Variants in ATG2B observed in about 807,000 individuals in gnomAD.
ATG2B encodes autophagy related 2B.
ATG2B carries 121 observed loss-of-function variants against 241.3 expected under a neutral mutation model. The observed-to-expected ratio is 0.50, with a 90% CI of 0.43 to 0.58. ATG2B has a LOEUF of 0.58. Among genes scored for constraint, ATG2B ranks in the 20% least tolerant of loss-of-function variants. The probability of loss-of-function intolerance (pLI) is 0.00; values close to 1 mark genes in which losing one functional copy is unlikely to be tolerated. For missense variants in ATG2B, 2,306 were observed against 2,491.6 expected, an observed-to-expected ratio of 0.93 and a Z score of 1.59; for synonymous variants, 858 against 876.6, an observed-to-expected ratio of 0.98 and a Z score of 0.37.
chr14:96,326,038 T>C (rs928614689), intron 14 of ATG2B, 116 bp from the exon 15 acceptor site: 1 of 984,160 alleles, frequency 1.0e-6, no homozygotes, highest in Non-Finnish European at 1.4e-6. Flanking sequence ...TATAATGCAT[T>C]AAAAGTCAAT....
chr14:96,306,631 T>A, intron 30 of ATG2B, 83 bp downstream of exon 30: 1 of 1,189,852 alleles, frequency 8.4e-7, no homozygotes, highest in Non-Finnish European at 1.2e-6. Context: ...ATTTACAAAA[T>A]CAACAGAATT....
intron 14 of ATG2B, 92 bp downstream of exon 14, chr14:96,328,255 T>C: frequency 1.2e-6 from 1 of 802,548 alleles, no homozygotes; most frequent in South Asian, 2.7e-5. Context: ...TACTGTTTAA[T>C]CTATTAAAAA....
At chr14:96,337,055 A>G (rs1004628824) in intron 6 of ATG2B, among the ~76,000 whole-genome samples, 1 of 152,162 alleles carries the variant, frequency 6.6e-6, no homozygotes, top group African/African-American at 2.4e-5. Flanking sequence ...ATGTATATTG[A>G]CATGTACTTA....
rs752918995 is a variant in ATG2B, at chr14:96,312,151, A to C, written c.3851T>G (p.Leu1284Trp). The C allele has an allele frequency of 1.3e-6, 2 of 1,599,242 alleles. No individual in the cohort carries two copies. The highest frequency in any genetic ancestry group is 2.3e-5 in the South Asian group (2 of 87,950). Residue 1284 changes from leucine to tryptophan, a missense_variant, in exon 26 of 42, where the codon TTG becomes TGG. By Grantham distance (61) the Leu-to-Trp change is moderately conservative. This residue lies in a region of ATG2B where 1,927 missense variants were observed against 2,011.2 expected (regional missense o/e 0.96). Coordinates refer to ENST00000359933, the MANE Select transcript of ATG2B (RefSeq NM_018036.7). ...AGATAGATGTAAAGCAGCTTCATCC[A>C]AGATTATTCTGAGGCAAGAAAGATA... ...DKSSSTLRII[L>W]DEAALHLSDK...
chr14:96,362,003 T>C (rs576307371), intron 1 of ATG2B, among the ~76,000 whole-genome samples: 10 of 152,266 alleles, frequency 6.6e-5, no homozygotes, highest in African/African-American at 2.4e-4. Context: ...TAAAATGCTA[T>C]GCATTGAACA....
Position 96,316,698 on chromosome 14 carries a change from A to G in ATG2B, c.3211-15T>C. The stretch of plus-strand genomic sequence containing the variant: ...CCATTATCTTGCTAGTAAAAAGATC[A>G]GAAAAACACAGAAGTTATTACTTAA... On this transcript the variant is annotated splice_polypyrimidine_tract_variant and intron_variant, in intron 20 of 41. Coordinates refer to ENST00000359933, the MANE Select transcript of ATG2B (RefSeq NM_018036.7). 6.3e-7 allele frequency: 1 copy of G among 1,596,210 alleles called. No homozygotes were observed. Among genetic ancestry groups the G allele is most frequent in the Non-Finnish European group, 8.5e-7 (1 of 1,173,040 alleles).
chr14:96,356,127 C>T (rs1319313563), intron 1 of ATG2B, among the ~76,000 whole-genome samples: 4 of 149,226 alleles, frequency 2.7e-5, no homozygotes, highest in African/African-American at 7.4e-5. Flanking sequence ...GCTGAGATCA[C>T]GCCACTGCAC....
chr14:96,328,800 T>C, intron 12 of ATG2B, 34 bp from the exon 13 acceptor site: 1 of 1,504,002 alleles, frequency 6.6e-7, no homozygotes, highest in African/African-American at 1.4e-5. Context: ...ATTAAATGTA[T>C]TAATCACAAG....
intron 41 of ATG2B, among the ~76,000 whole-genome samples, chr14:96,287,469 G>A (rs1886370602): frequency 6.6e-6 from 1 of 152,072 alleles, no homozygotes; most frequent in Admixed American, 6.6e-5. Flanking sequence ...AGAGTACGAG[G>A]CCGACCACCA....
At chr14:96,312,426 C>G (rs1232296702) in intron 25 of ATG2B, among the ~76,000 whole-genome samples, 1 of 152,130 alleles carries the variant, frequency 6.6e-6, no homozygotes, top group Non-Finnish European at 1.5e-5. Context: ...TGCCCAAATT[C>G]ACAAGGTTTA....
intron 11 of ATG2B, among the ~76,000 whole-genome samples, chr14:96,330,909 C>T (rs1346019077): frequency 6.6e-6 from 1 of 152,236 alleles, no homozygotes; most frequent in Non-Finnish European, 1.5e-5. Context: ...TGAAACGTAG[C>T]ATCCAAGTTT....
At chr14:96,352,859 GT>G (rs1198923514) in intron 1 of ATG2B, among the ~76,000 whole-genome samples, 1 of 151,924 alleles carries the variant, frequency 6.6e-6, no homozygotes, top group Admixed American at 6.6e-5. Context: ...TAGCCGAAGT[GT>G]ACAGTGTTTA....
In ATG2B at chr14:96,306,710, T is replaced by C. The variant is rs1213159278; in HGVS notation, c.4506+4A>G. On this transcript the variant is annotated splice_donor_region_variant and intron_variant, in intron 30 of 41. Coordinates refer to ENST00000359933, the MANE Select transcript of ATG2B (RefSeq NM_018036.7). ...AGGCTTCAATAATGTTATTAATTTATTACCTGCATGGCTGCTTTTGGTGCA... is the reference window on the plus strand; with the variant it reads ...AGGCTTCAATAATGTTATTAATTTACTACCTGCATGGCTGCTTTTGGTGCA... 1 of 1,611,206 alleles carries C rather than the reference T, an allele frequency of 6.2e-7. No individual in the cohort carries two copies. The highest frequency in any genetic ancestry group is 1.3e-5 in the African/African-American group (1 of 74,862).
Position 96,295,010 on chromosome 14 carries a change from C to A in ATG2B, c.5376G>T (p.Lys1792Asn). ...AAGATGCTTCTTCAGCAGAGAAGTT[C>A]TTCTCTTCCATGCCATTAACCACTT... ...SVEVVNGMEE[K>N]NFSAEEASFR... The change falls in exon 36 of 42, where the codon AAG becomes AAT. Residue 1792 changes from lysine to asparagine, a missense_variant. Around this residue, in one of 2 missense-constraint regions of ATG2B, gnomAD observed 379 missense variants for 480.4 expected, o/e 0.79. Coordinates refer to ENST00000359933, the MANE Select transcript of ATG2B (RefSeq NM_018036.7). 6.2e-7 allele frequency: 1 copy of A among 1,614,190 alleles called. No homozygotes were observed. Among genetic ancestry groups the A allele is most frequent in the Non-Finnish European group, 8.5e-7 (1 of 1,180,024 alleles).
intron 18 of ATG2B, among the ~76,000 whole-genome samples, chr14:96,318,619 T>C (rs1020241296): frequency 6.6e-6 from 1 of 152,172 alleles, no homozygotes; most frequent in African/African-American, 2.4e-5. Context: ...AAAACCCTTA[T>C]GACTAGCGAG....
chr14:96,344,869 A>C (rs1193701161), intron 3 of ATG2B, 113 bp from the exon 4 acceptor site: 2 of 519,240 alleles, frequency 3.9e-6, no homozygotes, highest in Non-Finnish European at 6.5e-6. Flanking sequence ...CAAAATAAAG[A>C]AGCTGAATTT....
At chr14:96,329,424 T>G (rs1191062455) in intron 12 of ATG2B, 60 bp downstream of exon 12, 3 of 1,247,146 alleles carry the variant, frequency 2.4e-6, no homozygotes, top group Non-Finnish European at 3.3e-6. Context: ...CCTCATACAA[T>G]CATTAAAAAG....
rs1351388050 is a variant in ATG2B, at chr14:96,323,989, T to C, written c.2447A>G (p.Gln816Arg). ...AATAGATGGATCTCCTTTCTCTTCCTGGAACGATCCTAAAAAAAAAGACTG... is the reference window on the plus strand; with the variant it reads ...AATAGATGGATCTCCTTTCTCTTCCCGGAACGATCCTAAAAAAAAAGACTG... ...LTFRELIGSF[Q>R]EEKGDPSIKF... Residue 816 changes from glutamine (Q) to arginine (R), a missense_variant, in exon 16 of 42, where the codon CAG (glutamine) becomes CGG (arginine). Transcript: ENST00000359933. 8.2e-6 allele frequency: 13 copies of C among 1,586,334 alleles called. No homozygotes were observed. Among genetic ancestry groups the C allele is most frequent in the South Asian group, 6.8e-5 (6 of 87,926 alleles).
In ATG2B at chr14:96,347,307, G is replaced by A. The variant is rs751047270; in HGVS notation, c.197C>T (p.Pro66Leu). Residue 66 changes from proline to leucine, a missense_variant, in exon 2 of 42, where the codon CCC becomes CTC. Transcript: ENST00000359933. ...LNEILESADA[P>L]LEVTEGFIQS... ...AATGAATCCTTCAGTGACTTCTAAG[G>A]GTGCATCTGCTGACTCCAAGATCTC... The A allele has an allele frequency of 7.5e-6, 12 of 1,602,184 alleles. 1 individual carries two copies. In the South Asian group the frequency reaches 1.1e-4, roughly 15 times the overall value.
Sources: allele counts gnomAD v4.1 joint callset (sites outside exome capture counted in the v4.1 genomes callset), GRCh38; gene constraint gnomAD v4.1.1; regional missense constraint gnomAD v4.1.1; transcripts MANE v1.5; gene names NCBI Gene and HGNC (gene_info 2026-07-23, HGNC 2026-07-21).